DYNC2H1: variants seen among roughly 807,000 people sequenced by gnomAD.
DYNC2H1 encodes the protein cytoplasmic dynein 2 heavy chain 1.
Under a neutral mutation model 570.0 loss-of-function variants are expected in DYNC2H1, and 410 were observed. The ratio of observed to expected loss-of-function variants is 0.72; its 90% CI spans 0.66 to 0.78. The LOEUF is 0.78. Among genes scored for constraint, DYNC2H1 ranks in the 30% least tolerant of loss-of-function variants. DYNC2H1 has a pLI of 0.00. For missense variants in DYNC2H1, 4,865 were observed against 5,046.4 expected, an observed-to-expected ratio of 0.96 and a Z score of 1.09; for synonymous variants, 1,688 against 1,677.6, an observed-to-expected ratio of 1.01 and a Z score of -0.15.
At position 103,241,477 on chromosome 11, in the gene DYNC2H1, TA is replaced by T; in HGVS notation, c.9820-2211del. 1 of 1,548,338 alleles carries T rather than the reference TA, an allele frequency of 6.5e-7. No homozygotes were observed. Among genetic ancestry groups the T allele is most frequent in the Non-Finnish European group, 8.9e-7 (1 of 1,129,266 alleles). On this transcript the variant is annotated intron_variant, in intron 63 of 88. Coordinates refer to ENST00000375735, the MANE Select transcript of DYNC2H1 (RefSeq NM_001377.3). The surrounding 1 kb of genome is among the most constrained non-coding windows in gnomAD (Gnocchi z 5.1). ...AAAAACTTAAGCATGTTTTCTTTGC[TA>T]AAAACATTTTGAAATGTTACCTTTC... is the stretch of plus-strand genomic sequence containing the variant.
At position 103,326,944 on chromosome 11, in the gene DYNC2H1, T is replaced by C. The variant is rs946664774; in HGVS notation, c.12039+2954T>C. Among the ~76,000 whole-genome samples, 4 of 152,080 alleles carry C rather than the reference T, an allele frequency of 2.6e-5. No homozygotes were observed. The highest frequency in any genetic ancestry group is 9.7e-5 in the African/African-American group (4 of 41,424). ...GCTGAAGCACTGTTTCTGCCTAGTC[T>C]CCAGGCAGATCCTCCACCAGCTCAC... On this transcript the variant is annotated intron_variant, in intron 82 of 88. Transcript: ENST00000375735. This position sits in a 1 kb window ranked among gnomAD's most constrained non-coding sequence, Gnocchi z 6.1.
chr11:103,120,775 T>A lies in DYNC2H1; in HGVS notation c.1221T>A (p.Ile407=). ...QKIAGKLKNY[I]SEIQDSPQQL... is the part of the protein sequence containing the mutation. ...TAGCAGGAAAATTGAAAAATTATAT[T>A]TCAGAAATTCAAGACAGTCCACAGC... is the stretch of plus-strand genomic sequence containing the variant. The change falls in exon 8 of 89, where the codon ATT becomes ATA. Residue 407 remains isoleucine, a synonymous_variant. Coordinates refer to ENST00000375735, the MANE Select transcript of DYNC2H1 (RefSeq NM_001377.3). The A allele has an allele frequency of 6.4e-7, 1 of 1,570,552 alleles. No homozygotes were observed.
At chr11:103,282,733 T>C (rs975428820) in intron 72 of DYNC2H1, among the ~76,000 whole-genome samples, 1 of 152,048 alleles carries the variant, frequency 6.6e-6, no homozygotes, top group African/African-American at 2.4e-5. Context: ...AAAAATGTAA[T>C]TTTTATGACA....
intron 87 of DYNC2H1, among the ~76,000 whole-genome samples, chr11:103,464,056 T>C (rs1338629553): frequency 2.0e-5 from 3 of 151,980 alleles, no homozygotes; most frequent in Non-Finnish European, 4.4e-5. Flanking sequence ...GGAAAAAAAA[T>C]CTAATCCAAA....
At position 103,355,686 on chromosome 11, in the gene DYNC2H1, C is replaced by A. The variant is rs575888904; in HGVS notation, c.12040-2557C>A. ...AGTAGGAGTGGGTTTCCTACAATTT[C>A]TTCATTTTAAAAGTTTGTTTTCTAA... On this transcript the variant is annotated intron_variant, in intron 82 of 88. Transcript: ENST00000375735. 7.7e-4 allele frequency among the ~76,000 whole-genome samples: 117 copies of A among 152,174 alleles called. 1 individual carries two copies. The highest frequency in any genetic ancestry group is 2.7e-3 in the African/African-American group (111 of 41,520).
intron 58 of DYNC2H1, 71 bp from the exon 59 acceptor site, chr11:103,222,894 G>A (rs1863643490): frequency 2.4e-5 from 38 of 1,587,402 alleles, no homozygotes; most frequent in Non-Finnish European, 3.2e-5. Context: ...CAAATAAAGT[G>A]TGTTAGAATT....
intron 82 of DYNC2H1, among the ~76,000 whole-genome samples, chr11:103,340,933 T>C (rs924200900): frequency 6.6e-6 from 1 of 152,050 alleles, no homozygotes; most frequent in African/African-American, 2.4e-5. Flanking sequence ...AGAAAGCTTA[T>C]AATAGTTACA....
At chr11:103,220,581 A>G in intron 56 of DYNC2H1, 42 bp from the exon 57 acceptor site, 1 of 1,534,134 alleles carries the variant, frequency 6.5e-7, no homozygotes, top group Non-Finnish European at 8.8e-7. Flanking sequence ...GATTTAAAGA[A>G]ATATATAATT....
chr11:103,159,094 G>A (rs2134909381), intron 28 of DYNC2H1, 67 bp downstream of exon 28: 2 of 1,269,710 alleles, frequency 1.6e-6, no homozygotes, highest in East Asian at 2.4e-5. Context: ...CTAATATTAT[G>A]CTCTTAGGTA....
chr11:103,353,819 AGTT>A (rs1437756125), intron 82 of DYNC2H1, among the ~76,000 whole-genome samples: 1 of 152,110 alleles, frequency 6.6e-6, no homozygotes, highest in African/African-American at 2.4e-5. Context: ...ATGTTTAAGC[AGTT>A]GTTTTAAAGT....
At chr11:103,178,036 G>C (rs1347745571) in intron 38 of DYNC2H1, among the ~76,000 whole-genome samples, 4 of 152,028 alleles carry the variant, frequency 2.6e-5, no homozygotes, top group Non-Finnish European at 5.9e-5. Context: ...TAGAAACTTA[G>C]AGTAAGTTGG....
chr11:103,215,618 C>A, intron 54 of DYNC2H1, 103 bp from the exon 55 acceptor site: 2 of 1,174,974 alleles, frequency 1.7e-6, no homozygotes, highest in Non-Finnish European at 2.3e-6. Context: ...TTTGTATATA[C>A]ACACTTAACA....
Position 103,133,595 on chromosome 11 carries a change from G to A in DYNC2H1, c.1994G>A (p.Trp665Ter). The change falls in exon 14 of 89, where the codon TGG becomes TAG. Residue 665 changes from tryptophan (W) to a stop codon, truncating the protein, a stop_gained. Transcript: ENST00000375735. LOFTEE classifies it high-confidence loss of function. This position sits in a 1 kb window ranked among gnomAD's most constrained non-coding sequence, Gnocchi z 4.8. ...AGSGGKSQIT[W>*]DNPKELEGYI... ...AGTGGAGGGAAATCACAGATAACTT[G>A]GGATAATCCTAAAGAATTAGAAGGC... is the stretch of plus-strand genomic sequence containing the variant. The A allele has an allele frequency of 6.2e-7, 1 of 1,610,544 alleles. No homozygotes were observed. The highest frequency in any genetic ancestry group is 8.5e-7 in the Non-Finnish European group (1 of 1,179,096).
At chr11:103,416,790 C>A (rs980984603) in intron 84 of DYNC2H1, among the ~76,000 whole-genome samples, 1 of 104,546 alleles carries the variant, frequency 9.6e-6, no homozygotes, top group Non-Finnish European at 1.9e-5. Context: ...CAAATGGGAT[C>A]TAATTAAAGA....
rs1490228644 is a variant in DYNC2H1 at position 103,312,156 on chromosome 11, G to A, written c.11649+123G>A. ...AGTACTGTGGGAGGCCAAGGTGGGC[G>A]GATCACCTGAGGTCCGGAGTTTGAG... On this transcript the variant is annotated intron_variant, in intron 79 of 88. Coordinates refer to ENST00000375735, the MANE Select transcript of DYNC2H1 (RefSeq NM_001377.3). 6 of 989,656 alleles carry A rather than the reference G, an allele frequency of 6.1e-6. No homozygotes were observed. The African/African-American group carries it at 6.7e-5, about 11-fold the overall frequency. The allele number at this position is 989,656 out of a possible 1,614,324, so 61.3% of individuals were successfully genotyped here. A position where few individuals can be genotyped will look rare whatever the true frequency, so the allele number is the denominator to read the frequency against.
intron 47 of DYNC2H1, among the ~76,000 whole-genome samples, chr11:103,196,723 A>G (rs1397411543): frequency 6.6e-6 from 1 of 152,168 alleles, no homozygotes; most frequent in Non-Finnish European, 1.5e-5. Flanking sequence ...TGGCGTGATA[A>G]GTAGGGTTAC....
chr11:103,342,543 C>T (rs151271087), intron 82 of DYNC2H1, among the ~76,000 whole-genome samples: 31,256 of 148,168 alleles, frequency 0.21, 3,566 homozygotes, highest in Admixed American at 0.31. Context: ...CGCTCTGTTG[C>T]CCAGGCTGGA....
intron 65 of DYNC2H1, among the ~76,000 whole-genome samples, chr11:103,246,707 G>C (rs1295246675): frequency 6.6e-6 from 1 of 151,964 alleles, no homozygotes; most frequent in Non-Finnish European, 1.5e-5. Context: ...CTTTTCAAGA[G>C]TGATAAGTTC....
At chr11:103,290,813 G>T (rs1346205076) in intron 75 of DYNC2H1, among the ~76,000 whole-genome samples, 1 of 152,018 alleles carries the variant, frequency 6.6e-6, no homozygotes, top group Non-Finnish European at 1.5e-5. Flanking sequence ...ATAATATTCT[G>T]GTTGATAAGA....
Sources: gnomAD v4.1 joint callset for allele counts (sites outside exome capture counted in the v4.1 genomes callset) on GRCh38, gnomAD v4.1.1 for gene constraint, Gnocchi (gnomAD v3.1) non-coding constraint, MANE v1.5 for transcripts, NCBI Gene and HGNC (gene_info 2026-07-23, HGNC 2026-07-21) for gene names.